Variants in CDH8 observed in about 807,000 individuals in gnomAD.
CDH8 encodes cadherin 8, also known as cadherin-8.
A neutral mutation model predicts 68.1 loss-of-function variants in CDH8; 17 were observed. The observed-to-expected ratio is 0.25, with a 90% CI of 0.17 to 0.37. The LOEUF (loss-of-function observed/expected upper bound fraction) is 0.37, where lower values mean the gene tolerates loss of function less well. Among genes scored for constraint, CDH8 ranks in the 10% least tolerant of loss-of-function variants. The pLI, the probability that CDH8 is intolerant of heterozygous loss-of-function variation, is 1.00. For synonymous variants in CDH8, 372 were observed against 365.1 expected (o/e 1.02, Z -0.21); for missense variants, 763 against 999.3 (o/e 0.76, Z 3.19).
intron 10 of CDH8, among the ~76,000 whole-genome samples, chr16:61,656,738 T>A (rs779940560): frequency 2.8e-4 from 43 of 152,210 alleles, no homozygotes; most frequent in Non-Finnish European, 4.3e-4. Context: ...GGAGCAACAG[T>A]TAAGCAATAC....
chr16:61,889,536 CA>C (rs1367571220), intron 3 of CDH8, among the ~76,000 whole-genome samples: 1 of 152,158 alleles, frequency 6.6e-6, no homozygotes, highest in Non-Finnish European at 1.5e-5. Flanking sequence ...CATTTTCAGG[CA>C]AGTCTTCAGA....
chr16:61,865,149 G>T (rs887994125), intron 3 of CDH8, among the ~76,000 whole-genome samples: 1 of 152,162 alleles, frequency 6.6e-6, no homozygotes, highest in African/African-American at 2.4e-5. Context: ...TTATGGGAAT[G>T]GAGACAGATT....
At chr16:61,695,099 T>C (rs1364778603) in intron 10 of CDH8, among the ~76,000 whole-genome samples, 7 of 152,014 alleles carry the variant, frequency 4.6e-5, no homozygotes, top group Admixed American at 4.6e-4. Context: ...TCTTTTTTTT[T>C]TAGTGGAATA....
At position 61,983,444 on chromosome 16, in the gene CDH8, C is replaced by T. The variant is rs182791608; in HGVS notation, c.252+37708G>A. Among the ~76,000 whole-genome samples, 31 of 152,264 alleles carry T rather than the reference C, an allele frequency of 2.0e-4. No homozygotes were observed. The East Asian group carries it at 5.8e-3, about 28-fold the overall frequency. On this transcript the variant is annotated intron_variant, in intron 2 of 11. Coordinates refer to ENST00000577390, the MANE Select transcript of CDH8 (RefSeq NM_001796.5). ...CATGACTAAGAACGACATTCTAGGA[C>T]ATTTATCTCAGAAGAAAATTACTAG...
At chr16:61,775,098 C>T (rs1960870836) in intron 8 of CDH8, among the ~76,000 whole-genome samples, 1 of 152,002 alleles carries the variant, frequency 6.6e-6, no homozygotes, top group South Asian at 2.1e-4. Flanking sequence ...GTGTGTTGGC[C>T]CATGCCTATA....
chr16:61,822,398 C>A (rs1962238575), intron 5 of CDH8, among the ~76,000 whole-genome samples: 2 of 151,168 alleles, frequency 1.3e-5, no homozygotes, highest in South Asian at 2.1e-4. Context: ...TCCTTGCAAC[C>A]ACAACAAGGG....
At chr16:61,802,722 G>A (rs1321587342) in intron 7 of CDH8, among the ~76,000 whole-genome samples, 1 of 133,288 alleles carries the variant, frequency 7.5e-6, no homozygotes, top group Non-Finnish European at 1.6e-5. Flanking sequence ...ATCAGCGATG[G>A]AAGATGAAAT....
intron 8 of CDH8, among the ~76,000 whole-genome samples, chr16:61,745,175 T>G (rs910027613): frequency 3.3e-5 from 5 of 151,874 alleles, no homozygotes; most frequent in Non-Finnish European, 5.9e-5. Flanking sequence ...TTGGCAATTA[T>G]TTTCCTTCTG....
At chr16:61,854,640 A>T (rs746631171) in intron 4 of CDH8, among the ~76,000 whole-genome samples, 2 of 152,102 alleles carry the variant, frequency 1.3e-5, no homozygotes, top group Non-Finnish European at 2.9e-5. Flanking sequence ...TTTGTTCCCC[A>T]CAAAGGGGGT....
intron 3 of CDH8, among the ~76,000 whole-genome samples, chr16:61,888,025 G>C (rs953405930): frequency 6.6e-6 from 1 of 152,122 alleles, no homozygotes; most frequent in African/African-American, 2.4e-5. Flanking sequence ...TCTGGCATGA[G>C]ACGTTGGAAG....
At chr16:61,865,453 C>T (rs1375013167) in intron 3 of CDH8, among the ~76,000 whole-genome samples, 1 of 152,100 alleles carries the variant, frequency 6.6e-6, no homozygotes, top group Non-Finnish European at 1.5e-5. Flanking sequence ...CTGTAATGTG[C>T]ATTGGGTGAG....
In CDH8 at chr16:62,012,981, G is replaced by T. The variant is rs1364890915; in HGVS notation, c.252+8171C>A. ...TTAAATTAACTACTTAAGGCCGGGC[G>T]CGGTGGCTCACGCCTGTAATCCCAG... On this transcript the variant is annotated intron_variant, in intron 2 of 11. Coordinates refer to ENST00000577390, the MANE Select transcript of CDH8 (RefSeq NM_001796.5). Among the ~76,000 whole-genome samples, 13 of 28,162 alleles carry T rather than the reference G, an allele frequency of 4.6e-4. 4 individuals are homozygous for T. Among genetic ancestry groups the T allele is most frequent in the Admixed American group, 7.9e-4 (2 of 2,538 alleles). The allele number at this position is 28,162 out of a possible 152,430, so 18.5% of individuals were successfully genotyped here. A position where few individuals can be genotyped will look rare whatever the true frequency, so the allele number is the denominator to read the frequency against.
At chr16:61,708,167 T>C (rs1964567642) in intron 10 of CDH8, among the ~76,000 whole-genome samples, 1 of 152,134 alleles carries the variant, frequency 6.6e-6, no homozygotes, top group Non-Finnish European at 1.5e-5. Context: ...TTAGAGCATG[T>C]ACCAATTTAT....
chr16:62,001,572 G>A (rs971207667), intron 2 of CDH8, among the ~76,000 whole-genome samples: 1 of 152,102 alleles, frequency 6.6e-6, no homozygotes, highest in African/African-American at 2.4e-5. Flanking sequence ...TTTACATAGC[G>A]ATCTTCTCCC....
intron 8 of CDH8, among the ~76,000 whole-genome samples, chr16:61,727,831 G>A (rs1053801696): frequency 6.6e-6 from 1 of 151,058 alleles, no homozygotes; most frequent in Non-Finnish European, 1.5e-5. Context: ...TTTTATCAAT[G>A]CAAACGAATA....
At chr16:61,852,873 CCTTCCTTCCTTCCTTCCTTCCATT>C (rs1962966220) in intron 4 of CDH8, among the ~76,000 whole-genome samples, 4 of 135,040 alleles carry the variant, frequency 3.0e-5, no homozygotes, top group African/African-American at 1.3e-4. Context: ...TTCCTTCCTT[CCTTCCTTCCTTCCTTCCTTCCATT>C]CTTCCTTCCT....
intron 2 of CDH8, among the ~76,000 whole-genome samples, chr16:61,939,650 T>C (rs557340474): frequency 6.6e-6 from 1 of 152,326 alleles, no homozygotes; most frequent in East Asian, 1.9e-4. Flanking sequence ...TCATTTGTAA[T>C]TGACTATAAT....
At chr16:61,692,164 A>G (rs1285816174) in intron 10 of CDH8, 1 of 152,140 alleles carries the variant, frequency 6.6e-6, no homozygotes, top group African/African-American at 2.4e-5. Flanking sequence ...AAAAAATACA[A>G]TGTTTTTATG....
intron 2 of CDH8, among the ~76,000 whole-genome samples, chr16:61,959,141 T>A (rs1965034750): frequency 6.6e-6 from 1 of 152,102 alleles, no homozygotes; most frequent in Non-Finnish European, 1.5e-5. Flanking sequence ...TCTCTCACCT[T>A]CATCTAACTT....
Sources: gnomAD v4.1 joint callset for allele counts (sites outside exome capture counted in the v4.1 genomes callset) on GRCh38, gnomAD v4.1.1 for gene constraint, MANE v1.5 for transcripts, NCBI Gene and HGNC (gene_info 2026-07-23, HGNC 2026-07-21) for gene names.